Variants in LAMA4 observed in about 807,000 individuals in gnomAD.
The protein encoded by LAMA4 is laminin subunit alpha-4.
Under a neutral mutation model 207.1 loss-of-function variants are expected in LAMA4, and 127 were observed. The ratio of observed to expected loss-of-function variants is 0.61; its 90% CI spans 0.53 to 0.71. The LOEUF is 0.71. Ranked by LOEUF, LAMA4 falls within the 30% of genes least tolerant of loss-of-function variation. The probability of loss-of-function intolerance (pLI) is 0.00; values close to 1 mark genes in which losing one functional copy is unlikely to be tolerated. For missense variants in LAMA4, 2,093 were observed against 2,246.5 expected (o/e 0.93, Z 1.38); for synonymous variants, 761 against 816.0 (o/e 0.93, Z 1.15).
At chr6:112,137,561 G>A (rs1779427518) in intron 24 of LAMA4, among the ~76,000 whole-genome samples, 1 of 152,232 alleles carries the variant, frequency 6.6e-6, no homozygotes, top group African/African-American at 2.4e-5. Context: ...CACACTTGAA[G>A]AGTTGAAGGT....
At chr6:112,223,288 CAATAAG>C (rs1785025767) in intron 2 of LAMA4, among the ~76,000 whole-genome samples, 1 of 152,092 alleles carries the variant, frequency 6.6e-6, no homozygotes, top group South Asian at 2.1e-4. Flanking sequence ...CAAGGGTTAG[CAATAAG>C]AATGAGTAGA....
At chr6:112,119,954 T>G (rs991126973) in intron 33 of LAMA4, among the ~76,000 whole-genome samples, 1 of 152,200 alleles carries the variant, frequency 6.6e-6, no homozygotes, top group Non-Finnish European at 1.5e-5. Flanking sequence ...CTTCCACAGC[T>G]TAGCCAATAA....
rs34752945 is a variant in LAMA4, at chr6:112,130,165, G to T, written c.3969-125C>A. On this transcript the variant is annotated intron_variant, in intron 29 of 38. Coordinates refer to ENST00000230538, the MANE Select transcript of LAMA4 (RefSeq NM_001105206.3). The stretch of plus-strand genomic sequence containing the variant: ...AACATGTGGTTAATGAAAAGACAGC[G>T]AGTTGCCAAACTCTTCATGAGGCCC... The T allele has an allele frequency of 0.061, 48,202 of 792,824 alleles. 1,873 individuals are homozygous for T. The highest frequency in any genetic ancestry group is 0.082 in the South Asian group (5,548 of 67,324). The allele number at this position is 792,824 out of a possible 1,614,324, so 49.1% of individuals were successfully genotyped here.
In LAMA4 at chr6:112,184,350, C is replaced by T. The variant is rs1043431908; in HGVS notation, c.1077+887G>A. On this transcript the variant is annotated intron_variant, in intron 9 of 38. Transcript: ENST00000230538. ...AAAAAAAAAAAAAAACTGTGTTAAACATTCTAATATGCTAAATATGGTGCC... is the reference window on the plus strand; with the variant it reads ...AAAAAAAAAAAAAAACTGTGTTAAATATTCTAATATGCTAAATATGGTGCC... Among the ~76,000 whole-genome samples the T allele has an allele frequency of 6.0e-5, 9 of 149,450 alleles. No homozygotes were observed. In the East Asian group the frequency reaches 9.8e-4, roughly 16 times the overall value.
Position 112,131,049 on chromosome 6 carries a change from T to G in LAMA4, c.3887A>C (p.Lys1296Thr). ...ATCTACTGACTGAACTTTGATTCCCTTTACATCCATGATGACAGTACCATT... is the reference window on the plus strand; with the variant it reads ...ATCTACTGACTGAACTTTGATTCCCGTTACATCCATGATGACAGTACCATT... ...LDNGTVIMDV[K>T]GIKVQSVDKQ... Residue 1296 changes from lysine to threonine, a missense_variant, in exon 29 of 39, where the codon AAG becomes ACG. Lys to Thr is a moderately conservative substitution (Grantham distance 78). This residue lies in a region of LAMA4 where 1,704 missense variants were observed against 1,788.4 expected (regional missense o/e 0.95). Transcript: ENST00000230538. 6.2e-7 allele frequency: 1 copy of G among 1,613,044 alleles called. No individual in the cohort carries two copies. Among genetic ancestry groups the G allele is most frequent in the Non-Finnish European group, 8.5e-7 (1 of 1,179,168 alleles).
At chr6:112,206,520 T>C (rs1784066737) in intron 4 of LAMA4, among the ~76,000 whole-genome samples, 1 of 152,230 alleles carries the variant, frequency 6.6e-6, no homozygotes, top group Non-Finnish European at 1.5e-5. Context: ...GGTCAAAACG[T>C]AGCCAGAAAG....
intron 2 of LAMA4, among the ~76,000 whole-genome samples, chr6:112,247,431 A>G (rs565734070): frequency 6.6e-6 from 1 of 152,322 alleles, no homozygotes; most frequent in African/African-American, 2.4e-5. Flanking sequence ...TGGCCCTCAG[A>G]TGTACTCAGC....
rs556790323 is a variant in LAMA4 at position 112,224,987 on chromosome 6, G to A, written c.196-8518C>T. Among the ~76,000 whole-genome samples, 98 of 150,990 alleles carry A rather than the reference G, an allele frequency of 6.5e-4. 2 individuals are homozygous for A. In the South Asian group the frequency reaches 0.02, roughly 30 times the overall value. On this transcript the variant is annotated intron_variant, in intron 2 of 38. Coordinates refer to ENST00000230538, the MANE Select transcript of LAMA4 (RefSeq NM_001105206.3). ...TTTTTTGGCAGGGGACGGGGAAGGG[G>A]CAGAAGCAAGTGGTTCATCTTCTGC...
chr6:112,162,023 T>G (rs782067421), intron 13 of LAMA4: 1 of 152,184 alleles, frequency 6.6e-6, no homozygotes, highest in Non-Finnish European at 1.5e-5. Context: ...GGTTATGTTT[T>G]TAAAGGATTG....
chr6:112,126,968 GAATACTCAT>G (rs1778728923), intron 31 of LAMA4, among the ~76,000 whole-genome samples: 1 of 152,148 alleles, frequency 6.6e-6, no homozygotes, highest in Non-Finnish European at 1.5e-5. Context: ...CAATCCTCCA[GAATACTCAT>G]AAGGCTCTAT....
intron 2 of LAMA4, chr6:112,217,938 T>C (rs1784721385): frequency 6.6e-6 from 1 of 152,240 alleles, no homozygotes; most frequent in South Asian, 2.1e-4. Context: ...CATGTTTTCA[T>C]TGTGATGCAG....
chr6:112,155,778 T>C (rs1263845214), intron 14 of LAMA4, 72 bp from the exon 15 acceptor site: 2 of 1,513,328 alleles, frequency 1.3e-6, no homozygotes, highest in East Asian at 2.3e-5. Context: ...TAATGCTTGC[T>C]TTTTAAATAC....
intron 3 of LAMA4, among the ~76,000 whole-genome samples, chr6:112,211,441 C>G (rs1784350421): frequency 6.6e-6 from 1 of 152,154 alleles, no homozygotes; most frequent in Non-Finnish European, 1.5e-5. Context: ...ATTCACTTAA[C>G]AAACCTGAAT....
chr6:112,186,724 T>C (rs895550186), intron 8 of LAMA4: 9 of 447,118 alleles, frequency 2.0e-5, no homozygotes, highest in African/African-American at 1.8e-4. Flanking sequence ...GTTGTTACAC[T>C]GTATTTTTCT....
At chr6:112,222,237 A>T (rs1784964310) in intron 2 of LAMA4, among the ~76,000 whole-genome samples, 1 of 152,234 alleles carries the variant, frequency 6.6e-6, no homozygotes. Flanking sequence ...ACATTTTAAT[A>T]GGCAAAGTTA....
At chr6:112,172,349 A>G in intron 12 of LAMA4, 1 of 435,748 alleles carries the variant, frequency 2.3e-6, no homozygotes, top group Non-Finnish European at 4.2e-6. Flanking sequence ...ACTTGCAAGA[A>G]TAACAGACCC....
chr6:112,177,461 A>C (rs1430369451), intron 10 of LAMA4, among the ~76,000 whole-genome samples: 1 of 152,226 alleles, frequency 6.6e-6, no homozygotes, highest in African/African-American at 2.4e-5. Context: ...ATCCTATAAC[A>C]GATGAAATCT....
rs1554330946 is a variant in LAMA4, at chr6:112,134,620, T to G, written c.3415-11A>C. On this transcript the variant is annotated splice_polypyrimidine_tract_variant and intron_variant, in intron 25 of 38. Coordinates refer to ENST00000230538, the MANE Select transcript of LAMA4 (RefSeq NM_001105206.3). ...GTAAATGATTGAGATCTGGGAGAGA[T>G]AATATATAGTAAGCCTTGATTAACT... 2 of 1,589,202 alleles carry G rather than the reference T, an allele frequency of 1.3e-6. No individual in the cohort carries two copies. The highest frequency in any genetic ancestry group is 1.3e-5 in the African/African-American group (1 of 74,530).
At chr6:112,253,817 T>C (rs1389963641) in intron 2 of LAMA4, 139 bp downstream of exon 2, 1 of 1,614,092 alleles carries the variant, frequency 6.2e-7, no homozygotes, top group African/African-American at 1.3e-5. Context: ...ATTTCAAGTT[T>C]CCGAACTGAC....
Sources: allele counts gnomAD v4.1 joint callset (sites outside exome capture counted in the v4.1 genomes callset), GRCh38; gene constraint gnomAD v4.1.1; regional missense constraint gnomAD v4.1.1; transcripts MANE v1.5; gene names NCBI Gene and HGNC (gene_info 2026-07-23, HGNC 2026-07-21).